ARHGAP6: variants seen among roughly 807,000 people sequenced by gnomAD.
The protein encoded by ARHGAP6 is Rho GTPase activating protein 6.
ARHGAP6 carries 16 observed loss-of-function variants against 55.7 expected under a neutral mutation model. The ratio of observed to expected loss-of-function variants is 0.29; its 90% CI spans 0.19 to 0.44. The LOEUF (loss-of-function observed/expected upper bound fraction) is 0.44, where lower values mean the gene tolerates loss of function less well. Ranked by LOEUF, ARHGAP6 falls within the 20% of genes least tolerant of loss-of-function variation. The probability of loss-of-function intolerance (pLI) is 1.00; values close to 1 mark genes in which losing one functional copy is unlikely to be tolerated. For synonymous variants in ARHGAP6, 382 were observed against 360.9 expected (o/e 1.06, Z -0.66); for missense variants, 698 against 808.9 (o/e 0.86, Z 1.66).
intron 1 of ARHGAP6, among the ~76,000 whole-genome samples, chrX:11,515,094 T>A (rs1317816363): frequency 8.9e-6 from 1 of 111,788 alleles, no homozygotes; most frequent in African/African-American, 3.3e-5. Flanking sequence ...TCAGCAACAG[T>A]ATGTTGTGAT....
At chrX:11,250,032 C>T (rs144645613) in intron 2 of ARHGAP6, among the ~76,000 whole-genome samples, 4,319 of 111,151 alleles carry the variant, frequency 0.039, 90 homozygotes, top group Non-Finnish European at 0.063. Flanking sequence ...CATCTTTTTC[C>T]CTTTACAAAA....
intron 1 of ARHGAP6, chrX:11,298,552 C>G: frequency 8.3e-7 from 1 of 1,211,461 alleles, no homozygotes; most frequent in Non-Finnish European, 1.1e-6. Context: ...CACCAGTACC[C>G]TTCCTATGGT....
intron 2 of ARHGAP6, among the ~76,000 whole-genome samples, chrX:11,205,339 A>G (rs2046690907): frequency 2.7e-5 from 3 of 111,745 alleles, no homozygotes; most frequent in South Asian, 3.8e-4. Flanking sequence ...TCCACCTACC[A>G]GATGCCAGTA....
At chrX:11,485,337 A>T (rs2050501088) in intron 1 of ARHGAP6, among the ~76,000 whole-genome samples, 1 of 107,704 alleles carries the variant, frequency 9.3e-6, no homozygotes, top group African/African-American at 3.5e-5. Flanking sequence ...GAGAAGAGGG[A>T]GGGAGAAGTA....
chrX:11,607,953 G>A (rs2052055327), intron 1 of ARHGAP6, among the ~76,000 whole-genome samples: 1 of 112,165 alleles, frequency 8.9e-6, no homozygotes, highest in Non-Finnish European at 1.9e-5. Context: ...CTTCAAAAAC[G>A]CTGATTTAAG....
chrX:11,664,882 G>C lies in ARHGAP6; in HGVS notation c.-54C>G. 9.1e-7 allele frequency: 1 copy of C among 1,094,056 alleles called. No homozygotes were observed. Among genetic ancestry groups the C allele is most frequent in the Non-Finnish European group, 1.2e-6 (1 of 824,247 alleles). The allele number at this position is 1,094,056 out of a possible 1,213,427, so 90.2% of individuals were successfully genotyped here. A position where few individuals can be genotyped will look rare whatever the true frequency, so the allele number is the denominator to read the frequency against. The stretch of plus-strand genomic sequence containing the variant: ...TCCTCCTCCCTCCCTGGACGCTGGT[G>C]GCTTTGGGTCGGGAACCGAAAGGGA... On this transcript the variant is annotated 5_prime_UTR_variant, in exon 1 of 13. Coordinates refer to ENST00000337414, the MANE Select transcript of ARHGAP6 (RefSeq NM_013427.3).
rs1306930263 is a variant in ARHGAP6 at position 11,172,748 on chromosome X, C to T, written c.1630-3064G>A. 3.6e-5 allele frequency among the ~76,000 whole-genome samples: 4 copies of T among 110,963 alleles called. No homozygotes were observed. The East Asian group carries it at 8.5e-4, about 24-fold the overall frequency. On this transcript the variant is annotated intron_variant, in intron 8 of 12. Coordinates refer to ENST00000337414, the MANE Select transcript of ARHGAP6 (RefSeq NM_013427.3). The stretch of plus-strand genomic sequence containing the variant: ...TTTAACAGGGAAAGAAGAGTTGCTC[C>T]CAGGCAACATCCACCTTTTCTCCAT...
At chrX:11,212,465 C>T (rs1396831385) in intron 2 of ARHGAP6, among the ~76,000 whole-genome samples, 1 of 112,335 alleles carries the variant, frequency 8.9e-6, no homozygotes, top group Non-Finnish European at 1.9e-5. Flanking sequence ...AGGCAGTTGA[C>T]GGTGATGTTA....
chrX:11,262,303 A>G (rs1461533747), intron 1 of ARHGAP6, among the ~76,000 whole-genome samples: 1 of 111,953 alleles, frequency 8.9e-6, no homozygotes, highest in Non-Finnish European at 1.9e-5. Flanking sequence ...TTCCCACCAG[A>G]AGTATATGTC....
In ARHGAP6 at chrX:11,195,990, C is replaced by T. The variant is rs759605872; in HGVS notation, c.820+935G>A. Among the ~76,000 whole-genome samples the T allele has an allele frequency of 3.2e-3, 275 of 87,252 alleles. 4 individuals carry two copies. Among genetic ancestry groups the T allele is most frequent in the African/African-American group, 0.012 (247 of 20,801 alleles). 75.8% of individuals were successfully genotyped at this position (87,252 alleles called of 115,157 possible). On this transcript the variant is annotated intron_variant, in intron 3 of 12. Transcript: ENST00000337414. ...AAAAAAAAAAAAAAAAAAAAAAAGC[C>T]GGTTGTGGTGGTGGGCGCCTGTAGT...
At chrX:11,620,553 G>A (rs2052216204) in intron 1 of ARHGAP6, among the ~76,000 whole-genome samples, 1 of 112,550 alleles carries the variant, frequency 8.9e-6, no homozygotes, top group Non-Finnish European at 1.9e-5. Context: ...GAGACGAAAA[G>A]TCCTCTACTT....
intron 2 of ARHGAP6, among the ~76,000 whole-genome samples, chrX:11,241,138 G>A (rs2047271570): frequency 1.8e-5 from 2 of 109,362 alleles, no homozygotes; most frequent in South Asian, 4.1e-4. Context: ...CATTTACTAG[G>A]TGCCAGGACA....
chrX:11,222,034 G>GA (rs1163812605), intron 2 of ARHGAP6, among the ~76,000 whole-genome samples: 1 of 111,076 alleles, frequency 9.0e-6, no homozygotes, highest in Non-Finnish European at 1.9e-5. Flanking sequence ...TAAAGTATGA[G>GA]AAAAAATTGA....
intron 1 of ARHGAP6, among the ~76,000 whole-genome samples, chrX:11,387,253 A>G (rs1478151930): frequency 9.0e-6 from 1 of 111,584 alleles, no homozygotes; most frequent in Admixed American, 9.5e-5. Flanking sequence ...GCTCTACAAA[A>G]TACCTATGCA....
intron 2 of ARHGAP6, among the ~76,000 whole-genome samples, chrX:11,214,415 T>TG (rs1395896483): frequency 8.9e-6 from 1 of 112,540 alleles, no homozygotes; most frequent in East Asian, 2.8e-4. Context: ...ACACAGGGCA[T>TG]GGGAGGGAGC....
At chrX:11,580,894 T>A (rs1326056952) in intron 1 of ARHGAP6, among the ~76,000 whole-genome samples, 1 of 112,174 alleles carries the variant, frequency 8.9e-6, no homozygotes, top group African/African-American at 3.2e-5. Context: ...AAAAAGTGTC[T>A]TTCTTACTTC....
intron 5 of ARHGAP6, among the ~76,000 whole-genome samples, chrX:11,182,587 C>A (rs2046327886): frequency 9.2e-6 from 1 of 108,550 alleles, no homozygotes; most frequent in Non-Finnish European, 1.9e-5. Flanking sequence ...CAGAAATAAT[C>A]ACTCTTCATT....
At chrX:11,246,912 A>T (rs1320550416) in intron 2 of ARHGAP6, among the ~76,000 whole-genome samples, 1 of 112,429 alleles carries the variant, frequency 8.9e-6, no homozygotes, top group Non-Finnish European at 1.9e-5. Flanking sequence ...AAAGAATAAC[A>T]GAAATAGGAC....
intron 1 of ARHGAP6, among the ~76,000 whole-genome samples, chrX:11,478,862 T>C (rs2050428638): frequency 8.9e-6 from 1 of 111,902 alleles, no homozygotes; most frequent in Non-Finnish European, 1.9e-5. Context: ...CACAGAGCTC[T>C]AGTTTCATGA....
Sources: gnomAD v4.1 joint callset for allele counts (sites outside exome capture counted in the v4.1 genomes callset) on GRCh38, gnomAD v4.1.1 for gene constraint, MANE v1.5 for transcripts, NCBI Gene and HGNC (gene_info 2026-07-23, HGNC 2026-07-21) for gene names.